The following TRIQK variants were observed in gnomAD, a reference collection of about 807,000 sequenced individuals.
TRIQK encodes triple QxxK/R motif-containing protein.
Under a neutral mutation model 10.8 loss-of-function variants are expected in TRIQK, and 10 were observed. The observed-to-expected ratio is 0.92, with a 90% CI of 0.57 to 1.57. The LOEUF (loss-of-function observed/expected upper bound fraction) is 1.57, where lower values mean the gene tolerates loss of function less well. Ranked by LOEUF, TRIQK falls within the 40% of genes most tolerant of loss-of-function variation. The pLI is 0.00. For missense variants in TRIQK, 107 were observed against 97.7 expected, an observed-to-expected ratio of 1.09 and a Z score of -0.40; for synonymous variants, 33 against 33.7, an observed-to-expected ratio of 0.98 and a Z score of 0.07.
chr8:92,996,064 G>T (rs990853635), intron 1 of TRIQK, among the ~76,000 whole-genome samples: 1 of 152,008 alleles, frequency 6.6e-6, no homozygotes, highest in Non-Finnish European at 1.5e-5. Context: ...AATGCCATTT[G>T]TTTTTAGAAC....
rs538832660 is a variant in TRIQK at position 92,964,057 on chromosome 8, C to T, written c.-181+1950G>A. On this transcript the variant is annotated intron_variant, in intron 1 of 4. Transcript: ENST00000521988. ...TGTAAGATAGCAACAAATAACTGAACATTAGTAGTTCCCGTTTGTTAGTGC... is the reference window on the plus strand; with the variant it reads ...TGTAAGATAGCAACAAATAACTGAATATTAGTAGTTCCCGTTTGTTAGTGC... Among the ~76,000 whole-genome samples the T allele has an allele frequency of 2.1e-4, 32 of 151,978 alleles. 1 individual carries two copies. In the South Asian group the frequency reaches 6.7e-3, roughly 32 times the overall value.
intron 1 of TRIQK, among the ~76,000 whole-genome samples, chr8:93,010,762 C>G (rs1187439754): frequency 6.6e-6 from 1 of 151,988 alleles, no homozygotes; most frequent in East Asian, 1.9e-4. Flanking sequence ...ATTGCAAATA[C>G]TGCAATAATT....
chr8:92,980,329 TTA>T (rs1440875019), intron 1 of TRIQK, among the ~76,000 whole-genome samples: 1 of 152,004 alleles, frequency 6.6e-6, no homozygotes, highest in Admixed American at 6.6e-5. Context: ...TGTTAATACT[TTA>T]TGTTTTTGCA....
intron 1 of TRIQK, among the ~76,000 whole-genome samples, chr8:92,964,464 C>CTATATATATATATATATATCTATA (rs71563502): frequency 1.8e-4 from 25 of 142,330 alleles, no homozygotes; most frequent in Non-Finnish European, 3.0e-4. Context: ...ATATATATAT[C>CTATATATATATATATATATCTATA]TATATATATA....
intron 2 of TRIQK, among the ~76,000 whole-genome samples, chr8:92,929,879 A>G (rs999669750): frequency 5.9e-5 from 9 of 152,166 alleles, no homozygotes; most frequent in Non-Finnish European, 1.3e-4. Flanking sequence ...AGGTTAGTTA[A>G]GCTAGGATTG....
At chr8:92,964,889 T>C (rs1586511642) in intron 1 of TRIQK, 1 of 152,340 alleles carries the variant, frequency 6.6e-6, no homozygotes, top group East Asian at 1.9e-4. Flanking sequence ...TCCTGACTTG[T>C]AGGCCAATGC....
At chr8:92,963,377 T>C (rs775183239) in intron 1 of TRIQK, 2 of 151,530 alleles carry the variant, frequency 1.3e-5, no homozygotes, top group Non-Finnish European at 2.9e-5. Context: ...TCTATATGAA[T>C]ATAGAAATCA....
intron 1 of TRIQK, among the ~76,000 whole-genome samples, chr8:92,991,752 ATCC>A (rs1156915891): frequency 2.0e-5 from 3 of 152,112 alleles, no homozygotes; most frequent in Admixed American, 2.0e-4. Context: ...TATTTAGAAA[ATCC>A]CATCGTCTCA....
At chr8:92,944,594 GA>G (rs1811427166) in intron 2 of TRIQK, among the ~76,000 whole-genome samples, 1 of 152,132 alleles carries the variant, frequency 6.6e-6, no homozygotes, top group South Asian at 2.1e-4. Flanking sequence ...TATGTTATGA[GA>G]AATAAGCCAG....
intron 2 of TRIQK, chr8:92,926,455 G>T (rs1450583019): frequency 6.6e-6 from 1 of 152,142 alleles, no homozygotes; most frequent in East Asian, 1.9e-4. Context: ...TAAGTAGAAA[G>T]GAACTGAGGT....
intron 3 of TRIQK, among the ~76,000 whole-genome samples, chr8:92,913,376 C>T (rs906896493): frequency 6.6e-6 from 1 of 152,156 alleles, no homozygotes; most frequent in African/African-American, 2.4e-5. Context: ...AAAAGCTCAG[C>T]CTCACTGGTC....
At chr8:92,887,552 T>G (rs948972932) in intron 4 of TRIQK, among the ~76,000 whole-genome samples, 1 of 151,296 alleles carries the variant, frequency 6.6e-6, no homozygotes, top group Non-Finnish European at 1.5e-5. Flanking sequence ...CATTAACATA[T>G]CATTTGACTA....
At chr8:92,916,855 T>C (rs1809879914) in intron 3 of TRIQK, 74 bp downstream of exon 3, 1 of 1,115,772 alleles carries the variant, frequency 9.0e-7, no homozygotes, top group Non-Finnish European at 1.2e-6. Context: ...TAGAGAAAAT[T>C]TATTTTCTTA....
chr8:92,941,816 A>T (rs559703411), intron 2 of TRIQK, among the ~76,000 whole-genome samples: 143 of 152,294 alleles, frequency 9.4e-4, no homozygotes, highest in African/African-American at 3.2e-3. Flanking sequence ...TATGACAACA[A>T]ATTGGATAAT....
At position 92,954,584 on chromosome 8, in the gene TRIQK, A is replaced by G. The variant is rs1262777149; in HGVS notation, c.-180-20T>C. 6.6e-6 allele frequency: 1 copy of G among 151,966 alleles called. No individual in the cohort carries two copies. The highest frequency in any genetic ancestry group is 2.4e-5 in the African/African-American group (1 of 41,426). 9.4% of individuals were successfully genotyped at this position (151,966 alleles called of 1,614,324 possible). A position where few individuals can be genotyped will look rare whatever the true frequency, so the allele number is the denominator to read the frequency against. On this transcript the variant is annotated intron_variant, in intron 1 of 4. Transcript: ENST00000521988. ...TTCTTACTGAAATTCAAAACAAAGT[A>G]TATAGAAATAGTAAATGGATGATCT...
intron 2 of TRIQK, among the ~76,000 whole-genome samples, chr8:92,932,860 G>A (rs1321039865): frequency 6.6e-6 from 1 of 152,052 alleles, no homozygotes; most frequent in Non-Finnish European, 1.5e-5. Flanking sequence ...TTTGGCCAGT[G>A]AAAGTTCCTT....
intron 3 of TRIQK, among the ~76,000 whole-genome samples, chr8:92,903,825 C>T (rs751760427): frequency 9.2e-5 from 14 of 151,950 alleles, no homozygotes; most frequent in Non-Finnish European, 1.5e-4. Context: ...AGGTCAAGTG[C>T]CTGTTATCCC....
At chr8:93,014,234 G>A (rs192708780) in intron 1 of TRIQK, among the ~76,000 whole-genome samples, 2 of 152,038 alleles carry the variant, frequency 1.3e-5, no homozygotes, top group African/African-American at 4.8e-5. Context: ...AATTCTAAGA[G>A]TAAAATTTAT....
chr8:92,947,442 G>C (rs1040825382), intron 2 of TRIQK, among the ~76,000 whole-genome samples: 2 of 151,702 alleles, frequency 1.3e-5, no homozygotes, highest in African/African-American at 4.8e-5. Context: ...AAATTAGCTA[G>C]GCATGGTGGT....
Sources: gnomAD v4.1 joint callset for allele counts (sites outside exome capture counted in the v4.1 genomes callset) on GRCh38, gnomAD v4.1.1 for gene constraint, MANE v1.5 for transcripts, NCBI Gene and HGNC (gene_info 2026-07-23, HGNC 2026-07-21) for gene names.